The following MTMR10 variants were observed in gnomAD, a reference collection of about 807,000 sequenced individuals.
MTMR10 encodes the protein myotubularin-related protein 10.
A neutral mutation model predicts 88.1 loss-of-function variants in MTMR10; 56 were observed. The ratio of observed to expected loss-of-function variants is 0.64; its 90% confidence interval spans 0.51 to 0.79. The LOEUF is 0.79. MTMR10 is among the 30% of genes least tolerant of loss of function. The pLI is 0.00. For missense variants in MTMR10, 883 were observed against 924.7 expected (o/e 0.95, Z 0.58); for synonymous variants, 380 against 340.9 (o/e 1.11, Z -1.26).
At chr15:30,942,210 G>C in intron 15 of MTMR10, 138 bp from the exon 16 acceptor site, 1 of 1,072,462 alleles carries the variant, frequency 9.3e-7, no homozygotes. Flanking sequence ...CCCTTCCTTT[G>C]TGTCCTTATT....
At chr15:30,947,395 G>T in intron 13 of MTMR10, 95 bp from the exon 14 acceptor site, 1 of 1,395,054 alleles carries the variant, frequency 7.2e-7, no homozygotes, top group Non-Finnish European at 9.7e-7. Flanking sequence ...AAGAAGAGAT[G>T]AATGAGAAAA....
the MTMR10 span, among the ~76,000 whole-genome samples, chr15:30,932,741 T>G: frequency 7.1e-6 from 1 of 141,072 alleles, no homozygotes; most frequent in Non-Finnish European, 1.5e-5. Context: ...TGAGATGGAG[T>G]CTCGCTCTGT....
chr15:30,922,212 T>G, the MTMR10 span: 1 of 1,599,654 alleles, frequency 6.3e-7, no homozygotes, highest in Non-Finnish European at 8.5e-7. Context: ...TCTAATGAGG[T>G]TTCTTTGTTA....
At position 30,943,077 on chromosome 15, in the gene MTMR10, A is replaced by T; in HGVS notation, c.1549-5T>A. The T allele has an allele frequency of 6.6e-7, 1 of 1,524,516 alleles. No homozygotes were observed. Among genetic ancestry groups the T allele is most frequent in the Middle Eastern group, 1.7e-4 (1 of 5,846 alleles). The allele number at this position is 1,524,516 out of a possible 1,614,324, so 94.4% of individuals were successfully genotyped here. Reference sequence around the variant, plus strand: ...GTTTTTGCTTATAGCAAATTCCTGCAAAATAAATAAATAAATATTTGCAAA... The same window carrying T: ...GTTTTTGCTTATAGCAAATTCCTGCTAAATAAATAAATAAATATTTGCAAA... On this transcript the variant is annotated splice_polypyrimidine_tract_variant and splice_region_variant and intron_variant, in intron 14 of 15. Transcript: ENST00000435680.
At chr15:30,925,737 A>C in the MTMR10 span, 1 of 1,602,716 alleles carries the variant, frequency 6.2e-7, no homozygotes, top group Non-Finnish European at 8.5e-7. Flanking sequence ...GCAGGTTTTC[A>C]GGGACTTTTG....
At chr15:30,932,711 C>CTTT in the MTMR10 span, among the ~76,000 whole-genome samples, 1 of 103,262 alleles carries the variant, frequency 9.7e-6, no homozygotes, top group Admixed American at 1.2e-4. Flanking sequence ...ATATTTGTTT[C>CTTT]TTTTCTTTTT....
At chr15:30,943,656 G>C in intron 14 of MTMR10, 1 of 985,410 alleles carries the variant, frequency 1.0e-6, no homozygotes, top group Non-Finnish European at 1.2e-6. Flanking sequence ...ATGTACACAG[G>C]AGACCCCTCC....
chr15:30,951,471 C>A (rs1007199656), intron 12 of MTMR10, among the ~76,000 whole-genome samples: 1 of 151,504 alleles, frequency 6.6e-6, no homozygotes, highest in Non-Finnish European at 1.5e-5. Context: ...GGACTACTTT[C>A]TATTCTTCTA....
At chr15:30,928,001 T>A in the MTMR10 span, 6 of 985,744 alleles carry the variant, frequency 6.1e-6, no homozygotes, top group Admixed American at 1.2e-4. Flanking sequence ...AAGCCTTGAC[T>A]ATCGGAAGCA....
chr15:30,939,458 G>T lies in MTMR10; in HGVS notation c.*2012C>A. 4 of 985,412 alleles carry T rather than the reference G, an allele frequency of 4.1e-6. No individual in the cohort carries two copies. Among genetic ancestry groups the T allele is most frequent in the Non-Finnish European group, 4.8e-6 (4 of 829,922 alleles). The allele number at this position is 985,412 out of a possible 1,614,324, so 61.0% of individuals were successfully genotyped here. A position where few individuals can be genotyped will look rare whatever the true frequency, so the allele number is the denominator to read the frequency against. On this transcript the variant is annotated 3_prime_UTR_variant, in exon 16 of 16. Coordinates refer to ENST00000435680, the MANE Select transcript of MTMR10 (RefSeq NM_017762.3). Reference sequence around the variant, plus strand: ...CAGCTTCACCCTGGCCCGACTGAAGGCTGTCATAGTTGTTTTTCATATTAT... The same window carrying T: ...CAGCTTCACCCTGGCCCGACTGAAGTCTGTCATAGTTGTTTTTCATATTAT...
chr15:30,961,193 C>A, intron 6 of MTMR10, 120 bp from the exon 7 acceptor site: 1 of 1,316,640 alleles, frequency 7.6e-7, no homozygotes, highest in Non-Finnish European at 1.0e-6. Context: ...CTTCACCTTC[C>A]AAGTCTCTCC....
At chr15:30,990,963 T>G in intron 1 of MTMR10, 126 bp from the exon 2 acceptor site, 1 of 778,200 alleles carries the variant, frequency 1.3e-6, no homozygotes, top group South Asian at 1.8e-5. Context: ...TTAAATTCTT[T>G]CGCATATTAA....
chr15:30,942,139 CAA>C lies in MTMR10; in HGVS notation c.1732-69_1732-68del. 8 of 1,493,284 alleles carry C rather than the reference CAA, an allele frequency of 5.4e-6. No homozygotes were observed. The South Asian group carries it at 9.1e-5, about 17-fold the overall frequency. The allele number at this position is 1,493,284 out of a possible 1,614,324, so 92.5% of individuals were successfully genotyped here. On this transcript the variant is annotated intron_variant, in intron 15 of 15. Transcript: ENST00000435680. ...TTAGAAAGATTGAAGGATGCAATGG[CAA>C]ATATAAACTCAATACTATGAAAAAT...
At position 30,976,950 on chromosome 15, in the gene MTMR10, T is replaced by C. The variant is rs1437228568; in HGVS notation, c.127A>G (p.Ile43Val). Residue 43 changes from isoleucine to valine, a missense_variant, in exon 3 of 16, where the codon ATT (isoleucine) becomes GTT (valine). This residue lies in a region of MTMR10 where 414 missense variants were observed against 423.2 expected (regional missense o/e 0.98). Coordinates refer to ENST00000435680, the MANE Select transcript of MTMR10 (RefSeq NM_017762.3). ...ACAAAATTGACTTCATTTACGACAA[T>C]TTCTCCTTTAAAAAAAGAAAAATAT... ...KLEPVLLPGE[I>V]VVNEVNFVRK... 1.9e-6 allele frequency: 3 copies of C among 1,611,424 alleles called. No individual in the cohort carries two copies. The highest frequency in any genetic ancestry group is 1.7e-6 in the Non-Finnish European group (2 of 1,179,176).
chr15:30,922,499 A>C, the MTMR10 span: 3 of 881,452 alleles, frequency 3.4e-6, no homozygotes, highest in Middle Eastern at 5.5e-4. Flanking sequence ...GTGTTCTTCC[A>C]ACCCCAAAAG....
intron 2 of MTMR10, 68 bp downstream of exon 2, chr15:30,990,709 G>A (rs1409877771): frequency 1.5e-6 from 2 of 1,321,632 alleles, no homozygotes; most frequent in African/African-American, 2.9e-5. Flanking sequence ...CATGATACTA[G>A]TCGGCAGAAT....
At chr15:30,927,136 G>C in the MTMR10 span, 1 of 914,414 alleles carries the variant, frequency 1.1e-6, no homozygotes, top group Admixed American at 6.2e-5. Flanking sequence ...TTGACCCCAG[G>C]AGGTCAAGGC....
At chr15:30,976,749 T>C (rs1334168825) in intron 3 of MTMR10, 70 bp downstream of exon 3, 2 of 1,489,722 alleles carry the variant, frequency 1.3e-6, no homozygotes, top group Admixed American at 2.2e-5. Context: ...TACCTATGTT[T>C]TATATAATAA....
At chr15:30,947,931 G>T (rs187117679) in intron 13 of MTMR10, among the ~76,000 whole-genome samples, 1 of 152,152 alleles carries the variant, frequency 6.6e-6, no homozygotes, top group African/African-American at 2.4e-5. Flanking sequence ...CTGTTGCAAA[G>T]GTGGCCCTCT....
Sources: allele counts gnomAD v4.1 joint callset (sites outside exome capture counted in the v4.1 genomes callset), GRCh38; gene constraint gnomAD v4.1.1; regional missense constraint gnomAD v4.1.1; transcripts MANE v1.5; gene names NCBI Gene and HGNC (gene_info 2026-07-23, HGNC 2026-07-21).